The following PCDHGA2 variants were observed in gnomAD, a reference collection of about 807,000 sequenced individuals.
PCDHGA2 encodes the protein protocadherin gamma-A2.
Under a neutral mutation model 59.2 loss-of-function variants are expected in PCDHGA2, and 40 were observed. The observed-to-expected ratio is 0.68, with a 90% confidence interval of 0.52 to 0.88. The LOEUF (loss-of-function observed/expected upper bound fraction) is 0.88. Ranked by LOEUF, PCDHGA2 falls within the 40% of genes least tolerant of loss-of-function variation. The probability of loss-of-function intolerance (pLI) is 0.00; values close to 1 mark genes in which losing one functional copy is unlikely to be tolerated. For missense variants in PCDHGA2, 1,226 were observed against 1,204.0 expected (o/e 1.02, Z -0.27); for synonymous variants, 560 against 526.0 (o/e 1.06, Z -0.89).
intron 1 of PCDHGA2, among the ~76,000 whole-genome samples, chr5:141,444,357 G>C (rs1258703336): frequency 3.3e-5 from 5 of 151,798 alleles, no homozygotes; most frequent in African/African-American, 9.7e-5. Flanking sequence ...TTTTAGTAGA[G>C]ACGGGGTTTC....
chr5:141,340,844 G>C lies in PCDHGA2; in HGVS notation c.1873G>C (p.Glu625Gln), dbSNP rs199765466. ...CTTCTCGGTGGGTCTGCACACGGGCGAGGTGCGCACGGCGCGAGCCCTGCT... is the reference window on the plus strand; with the variant it reads ...CTTCTCGGTGGGTCTGCACACGGGCCAGGTGCGCACGGCGCGAGCCCTGCT... The part of the protein sequence containing the change: ...GLFSVGLHTG[E>Q]VRTARALLDR... The change falls in exon 1 of 4, where the codon GAG becomes CAG. Residue 625 changes from glutamate (E) to glutamine (Q), a missense_variant. Glu to Gln is a conservative substitution (Grantham distance 29). Coordinates refer to ENST00000394576, the MANE Select transcript of PCDHGA2 (RefSeq NM_018915.4). The C allele has an allele frequency of 1.3e-5, 21 of 1,612,600 alleles. No individual in the cohort carries two copies. Among genetic ancestry groups the C allele is most frequent in the Admixed American group, 3.3e-5 (2 of 59,938 alleles).
At chr5:141,462,980 G>T (rs1249102130) in intron 1 of PCDHGA2, among the ~76,000 whole-genome samples, 1 of 152,006 alleles carries the variant, frequency 6.6e-6, no homozygotes, top group Non-Finnish European at 1.5e-5. Flanking sequence ...AGTAACTTTT[G>T]CCTTGGGCTA....
At chr5:141,414,020 C>A in intron 1 of PCDHGA2, 1 of 1,612,618 alleles carries the variant, frequency 6.2e-7, no homozygotes. Flanking sequence ...GGAGAAGTGA[C>A]ATATTCATTC....
intron 1 of PCDHGA2, chr5:141,364,771 T>G: frequency 6.2e-7 from 1 of 1,614,002 alleles, no homozygotes; most frequent in Non-Finnish European, 8.5e-7. Flanking sequence ...AAAATGCGGC[T>G]GCAGGGACAC....
chr5:141,399,755 G>A (rs1420211451), intron 1 of PCDHGA2: 1 of 1,613,232 alleles, frequency 6.2e-7, no homozygotes, highest in African/African-American at 1.3e-5. Context: ...GCAAACGTGA[G>A]CCTGCGCGTG....
At chr5:141,452,411 A>G (rs965622061) in intron 1 of PCDHGA2, among the ~76,000 whole-genome samples, 8 of 152,200 alleles carry the variant, frequency 5.3e-5, no homozygotes, top group African/African-American at 1.9e-4. Context: ...GGTGTGAGGT[A>G]TGCTCACTGC....
At chr5:141,351,779 AGCGGGGTGGTG>A (rs755558848) in intron 1 of PCDHGA2, 1 of 1,613,332 alleles carries the variant, frequency 6.2e-7, no homozygotes, top group African/African-American at 1.3e-5. Flanking sequence ...GAGCCCGCAG[AGCGGGGTGGTG>A]TTCGCGCAGC....
In PCDHGA2 at chr5:141,491,921, A is replaced by T; in HGVS notation, c.2425-2886A>T. ...CCGGGGGTGGTGGCGACTGTGGGCG[A>T]GGGGAGGTGGGACCGACCCCCACCC... On this transcript the variant is annotated intron_variant, in intron 1 of 3. Coordinates refer to ENST00000394576, the MANE Select transcript of PCDHGA2 (RefSeq NM_018915.4). The surrounding 1 kb of genome is among the most constrained non-coding windows in gnomAD (Gnocchi z 6.9). The T allele has an allele frequency of 1.5e-6, 2 of 1,353,738 alleles. No homozygotes were observed. Among genetic ancestry groups the T allele is most frequent in the Non-Finnish European group, 2.0e-6 (2 of 1,013,388 alleles). 83.9% of individuals were successfully genotyped at this position (1,353,738 alleles called of 1,614,324 possible). A position where few individuals can be genotyped will look rare whatever the true frequency, so the allele number is the denominator to read the frequency against.
At chr5:141,484,598 T>C (rs2099598059) in intron 1 of PCDHGA2, among the ~76,000 whole-genome samples, 1 of 152,080 alleles carries the variant, frequency 6.6e-6, no homozygotes, top group Non-Finnish European at 1.5e-5. Flanking sequence ...TCATTTAGAA[T>C]ACTGGTTGAT....
intron 1 of PCDHGA2, chr5:141,409,297 T>G (rs762820320): frequency 1.9e-6 from 3 of 1,614,006 alleles, no homozygotes; most frequent in South Asian, 2.2e-5. Context: ...CAGGAATGGT[T>G]GTTGCCCTCT....
chr5:141,490,561 A>G lies in PCDHGA2; in HGVS notation c.2425-4246A>G. On this transcript the variant is annotated intron_variant, in intron 1 of 3. Coordinates refer to ENST00000394576, the MANE Select transcript of PCDHGA2 (RefSeq NM_018915.4). This position sits in a 1 kb window ranked among gnomAD's most constrained non-coding sequence, Gnocchi z 5.4. Reference sequence around the variant, plus strand: ...TTCCCTACACAAACATCTCACCATCAGGCTCAACATTTCAGATGTCAATGA... The same window carrying G: ...TTCCCTACACAAACATCTCACCATCGGGCTCAACATTTCAGATGTCAATGA... 6.2e-7 allele frequency: 1 copy of G among 1,614,090 alleles called. No individual in the cohort carries two copies. The highest frequency in any genetic ancestry group is 8.5e-7 in the Non-Finnish European group (1 of 1,180,004).
At chr5:141,442,309 G>C (rs1483682583) in intron 1 of PCDHGA2, 1 of 152,418 alleles carries the variant, frequency 6.6e-6, no homozygotes, top group Non-Finnish European at 1.5e-5. Flanking sequence ...TCTTTCCCAC[G>C]GATGTCTATC....
At chr5:141,394,596 G>A (rs1485546922) in intron 1 of PCDHGA2, 2 of 1,613,702 alleles carry the variant, frequency 1.2e-6, no homozygotes, top group Non-Finnish European at 1.7e-6. Flanking sequence ...GGTGGCGGTG[G>A]ACAGAGACTC....
chr5:141,403,429 T>C (rs1282528901), intron 1 of PCDHGA2: 2 of 1,614,006 alleles, frequency 1.2e-6, no homozygotes, highest in Non-Finnish European at 1.7e-6. Flanking sequence ...AAGCTATTGA[T>C]CCGGATGTTG....
At chr5:141,366,268 C>A in intron 1 of PCDHGA2, 4 of 1,613,720 alleles carry the variant, frequency 2.5e-6, no homozygotes, top group Non-Finnish European at 3.4e-6. Flanking sequence ...TGGTGGCCGT[C>A]GAAGACCATG....
intron 1 of PCDHGA2, chr5:141,351,691 G>A: frequency 6.2e-7 from 1 of 1,613,980 alleles, no homozygotes; most frequent in African/African-American, 1.3e-5. Flanking sequence ...ACCCGGATTT[G>A]GGACCCAACG....
rs1207518184 is a variant in PCDHGA2 at position 141,352,338 on chromosome 5, C to T, written c.2424+10943C>T. 12 of 1,614,058 alleles carry T rather than the reference C, an allele frequency of 7.4e-6. No homozygotes were observed. In the Admixed American group the frequency reaches 8.3e-5, roughly 11 times the overall value. ...CAGTTTTACCTGGTTGTGGCCTTGGCCTTGATCTCAGTGCTCTTTCTCCTC... is the reference window on the plus strand; with the variant it reads ...CAGTTTTACCTGGTTGTGGCCTTGGTCTTGATCTCAGTGCTCTTTCTCCTC... On this transcript the variant is annotated intron_variant, in intron 1 of 3. Coordinates refer to ENST00000394576, the MANE Select transcript of PCDHGA2 (RefSeq NM_018915.4).
rs901230493 is a variant in PCDHGA2, at chr5:141,487,514, C to T, written c.2425-7293C>T. 7 of 1,614,150 alleles carry T rather than the reference C, an allele frequency of 4.3e-6. No homozygotes were observed. The highest frequency in any genetic ancestry group is 1.1e-5 in the South Asian group (1 of 91,070). On this transcript the variant is annotated intron_variant, in intron 1 of 3. Transcript: ENST00000394576. The surrounding 1 kb of genome is among the most constrained non-coding windows in gnomAD (Gnocchi z 5.0). Reference sequence around the variant, plus strand: ...TACACCCTTGGCTTCTGCACCCACTCGGAGTGATAGCTTCATGATGGTGAA... The same window carrying T: ...TACACCCTTGGCTTCTGCACCCACTTGGAGTGATAGCTTCATGATGGTGAA...
At chr5:141,423,076 C>A in intron 1 of PCDHGA2, 1 of 1,614,128 alleles carries the variant, frequency 6.2e-7, no homozygotes, top group Non-Finnish European at 8.5e-7. Context: ...CGAGCCGGGA[C>A]TCTTCGCGGT....
Sources: gnomAD v4.1 joint callset for allele counts (sites outside exome capture counted in the v4.1 genomes callset) on GRCh38, gnomAD v4.1.1 for gene constraint, Gnocchi (gnomAD v3.1) non-coding constraint, MANE v1.5 for transcripts, NCBI Gene and HGNC (gene_info 2026-07-23, HGNC 2026-07-21) for gene names.